The following ATG14 variants were observed in gnomAD, a reference collection of about 807,000 sequenced individuals.
The protein encoded by ATG14 is autophagy related 14.
Under a neutral mutation model 60.4 loss-of-function variants are expected in ATG14, and 35 were observed. That is an observed-to-expected ratio of 0.58 (90% CI 0.44 to 0.77). ATG14 has a LOEUF of 0.77. ATG14 is among the 30% of genes least tolerant of loss of function. The pLI is 0.00. For missense variants in ATG14, 647 were observed against 626.3 expected, an observed-to-expected ratio of 1.03 and a Z score of -0.35; for synonymous variants, 234 against 228.8, an observed-to-expected ratio of 1.02 and a Z score of -0.21.
Position 55,368,653 on chromosome 14 carries a change from G to GT in ATG14, c.*965dup, listed in dbSNP as rs1478672743. On this transcript the variant is annotated 3_prime_UTR_variant, in exon 10 of 10. Coordinates refer to ENST00000247178, the MANE Select transcript of ATG14 (RefSeq NM_014924.5). ...AGAGTTCGGGGAAACAAGTAGGATG[G>GT]TTTCCCCTGAAAACACCTGCCACCT... The GT allele has an allele frequency of 6.6e-6, 1 of 152,202 alleles. No individual in the cohort carries two copies. The highest frequency in any genetic ancestry group is 1.9e-4 in the East Asian group (1 of 5,200). The allele number at this position is 152,202 out of a possible 1,614,324, so 9.4% of individuals were successfully genotyped here.
intron 4 of ATG14, among the ~76,000 whole-genome samples, chr14:55,386,668 C>G (rs144557944): frequency 2.6e-5 from 4 of 152,272 alleles, no homozygotes; most frequent in African/African-American, 9.6e-5. Flanking sequence ...GACACGCATG[C>G]CCAGCATTTT....
chr14:55,386,140 T>C (rs1366155956), intron 4 of ATG14, 44 bp from the exon 5 acceptor site: 1 of 1,535,478 alleles, frequency 6.5e-7, no homozygotes, highest in Non-Finnish European at 8.9e-7. Context: ...CTGCAAACAG[T>C]TCCTGTGTAC....
intron 4 of ATG14, among the ~76,000 whole-genome samples, chr14:55,390,490 C>G (rs1176958970): frequency 1.3e-5 from 2 of 152,160 alleles, no homozygotes; most frequent in Admixed American, 1.3e-4. Flanking sequence ...TCTCCTGCCT[C>G]AGCCTCCCAA....
At chr14:55,397,659 A>G (rs1056969801) in intron 1 of ATG14, among the ~76,000 whole-genome samples, 9 of 152,226 alleles carry the variant, frequency 5.9e-5, no homozygotes, top group African/African-American at 2.2e-4. Flanking sequence ...TGTGTTTATA[A>G]AATATGTCTA....
chr14:55,404,622 G>A (rs1885460495), intron 1 of ATG14, among the ~76,000 whole-genome samples: 1 of 152,150 alleles, frequency 6.6e-6, no homozygotes, highest in Admixed American at 6.6e-5. Context: ...GAGAACCTGG[G>A]CATTCCAGGA....
At chr14:55,374,392 T>C (rs569725967) in intron 9 of ATG14, among the ~76,000 whole-genome samples, 47 of 152,296 alleles carry the variant, frequency 3.1e-4, no homozygotes, top group Admixed American at 6.5e-4. Context: ...TTCTAATAGG[T>C]TGTTGGTCTT....
chr14:55,407,499 A>G (rs1433123274), intron 1 of ATG14, among the ~76,000 whole-genome samples: 1 of 151,984 alleles, frequency 6.6e-6, no homozygotes, highest in East Asian at 1.9e-4. Context: ...TCCTGGCCTC[A>G]AGTGATCCGC....
chr14:55,392,559 G>A (rs1342026750), intron 3 of ATG14, among the ~76,000 whole-genome samples: 2 of 149,588 alleles, frequency 1.3e-5, no homozygotes, highest in African/African-American at 4.9e-5. Context: ...TGAGGTGGGA[G>A]AATCGCTTGA....
chr14:55,407,741 G>A (rs981842378), intron 1 of ATG14, among the ~76,000 whole-genome samples: 1 of 152,198 alleles, frequency 6.6e-6, no homozygotes, highest in Non-Finnish European at 1.5e-5. Context: ...ATTACACATT[G>A]TGTGTGGTAC....
At chr14:55,400,909 T>TAAATAAAATA (rs201067140) in intron 1 of ATG14, among the ~76,000 whole-genome samples, 3,505 of 143,308 alleles carry the variant, frequency 0.024, 147 homozygotes, top group African/African-American at 0.084. Context: ...CTCAAATAAA[T>TAAATAAAATA]AAATAAAATA....
chr14:55,390,986 T>A lies in ATG14; in HGVS notation c.334A>T (p.Lys112Ter), dbSNP rs1382383320. ...GKWITDQLRWKIMSCKMRIEQ... is the reference protein window; with the variant it reads ...GKWITDQLRW ...ATCCTCATCTTGCAGGACATTATTTTCCATCTCTGAAAAAAGCATGTAATA... is the reference window on the plus strand; with the variant it reads ...ATCCTCATCTTGCAGGACATTATTTACCATCTCTGAAAAAAGCATGTAATA... The change falls in exon 4 of 10, where the codon AAA becomes TAA. Residue 112 changes from lysine to a stop codon, truncating the protein, a stop_gained. Transcript: ENST00000247178. LOFTEE classifies it high-confidence loss of function. 1.2e-6 allele frequency: 2 copies of A among 1,603,736 alleles called. No homozygotes were observed. Among genetic ancestry groups the A allele is most frequent in the African/African-American group, 2.7e-5 (2 of 74,644 alleles).
intron 1 of ATG14, among the ~76,000 whole-genome samples, chr14:55,402,893 C>CAAAAAA (rs1165938421): frequency 9.0e-5 from 1 of 11,100 alleles, no homozygotes. Context: ...TCCATCTCTA[C>CAAAAAA]AAAAAAAAAA....
intron 9 of ATG14, 84 bp from the exon 10 acceptor site, chr14:55,370,009 C>G (rs1373291551): frequency 1.0e-5 from 14 of 1,376,504 alleles, no homozygotes; most frequent in Admixed American, 4.5e-5. Context: ...AGGCCCTCAC[C>G]TGAGGGGATG....
chr14:55,392,005 C>G (rs1365719766), intron 3 of ATG14, among the ~76,000 whole-genome samples: 1 of 152,144 alleles, frequency 6.6e-6, no homozygotes, highest in African/African-American at 2.4e-5. Flanking sequence ...CAGTGGTCCC[C>G]AACTTTTTTG....
chr14:55,387,896 A>T (rs1885151378), intron 4 of ATG14, among the ~76,000 whole-genome samples: 1 of 152,144 alleles, frequency 6.6e-6, no homozygotes, highest in Non-Finnish European at 1.5e-5. Flanking sequence ...CCTGACCTCA[A>T]TGTGATCCGC....
intron 9 of ATG14, among the ~76,000 whole-genome samples, chr14:55,371,801 C>G (rs997194200): frequency 7.2e-5 from 11 of 152,070 alleles, no homozygotes; most frequent in African/African-American, 2.7e-4. Context: ...GAGACTCTGT[C>G]TCAAAAAACA....
chr14:55,411,377 T>G (rs1465201807), intron 1 of ATG14, among the ~76,000 whole-genome samples: 1 of 152,152 alleles, frequency 6.6e-6, no homozygotes, highest in East Asian at 1.9e-4. Context: ...GGGGTCAAAC[T>G]CCTCTTGGGT....
intron 9 of ATG14, among the ~76,000 whole-genome samples, chr14:55,372,680 C>CCCTT (rs750961634): frequency 4.6e-5 from 7 of 151,920 alleles, no homozygotes; most frequent in East Asian, 1.9e-4. Flanking sequence ...CCTCCCTGCT[C>CCCTT]CCTTCCTTCC....
intron 9 of ATG14, among the ~76,000 whole-genome samples, chr14:55,373,410 T>C (rs74584595): frequency 0.014 from 2,190 of 152,214 alleles, 57 homozygotes; most frequent in African/African-American, 0.049. Context: ...ATGGGCAAAA[T>C]ATTAATAGGT....
Sources: gnomAD v4.1 joint callset for allele counts (sites outside exome capture counted in the v4.1 genomes callset) on GRCh38, gnomAD v4.1.1 for gene constraint, MANE v1.5 for transcripts, NCBI Gene and HGNC (gene_info 2026-07-23, HGNC 2026-07-21) for gene names.